The following PDCD6IP variants were observed in gnomAD, a reference collection of about 807,000 sequenced individuals.
The protein encoded by PDCD6IP is programmed cell death 6-interacting protein.
PDCD6IP carries 43 observed loss-of-function variants against 103.7 expected under a neutral mutation model. That is an observed-to-expected ratio of 0.41 (90% CI 0.32 to 0.53). The LOEUF (loss-of-function observed/expected upper bound fraction) is 0.53, where lower values mean the gene tolerates loss of function less well. Ranked by LOEUF, PDCD6IP falls within the 20% of genes least tolerant of loss-of-function variation. PDCD6IP has a pLI of 0.16. For synonymous variants in PDCD6IP, 354 were observed against 378.7 expected, an observed-to-expected ratio of 0.93 and a Z score of 0.76; for missense variants, 871 against 1,036.7, an observed-to-expected ratio of 0.84 and a Z score of 2.20.
intron 14 of PDCD6IP, 49 bp from the exon 15 acceptor site, chr3:33,855,117 A>G: frequency 1.7e-6 from 2 of 1,149,690 alleles, no homozygotes; most frequent in Non-Finnish European, 2.6e-6. Context: ...TACTCTCTGG[A>G]TTAAAAAATT....
intron 4 of PDCD6IP, among the ~76,000 whole-genome samples, chr3:33,824,247 C>CT (rs1697059930): frequency 6.7e-6 from 1 of 148,462 alleles, no homozygotes; most frequent in African/African-American, 2.5e-5. Context: ...TTATCTAACT[C>CT]ATGACACCTT....
intron 3 of PDCD6IP, among the ~76,000 whole-genome samples, chr3:33,814,191 A>T (rs1198085055): frequency 6.9e-6 from 1 of 144,772 alleles, no homozygotes; most frequent in Admixed American, 7.1e-5. Flanking sequence ...GTTGCCCAGG[A>T]TGGAGTGCAG....
intron 15 of PDCD6IP, among the ~76,000 whole-genome samples, chr3:33,861,958 G>A (rs1427161265): frequency 6.6e-6 from 1 of 151,956 alleles, no homozygotes; most frequent in Non-Finnish European, 1.5e-5. Context: ...TAGTACTAGT[G>A]GCATTTTATT....
intron 4 of PDCD6IP, among the ~76,000 whole-genome samples, chr3:33,824,269 C>G (rs115399621): frequency 1.8e-5 from 2 of 110,456 alleles, no homozygotes; most frequent in Admixed American, 9.2e-5. Flanking sequence ...TTTTTTTTTT[C>G]TTTTTTGAGA....
intron 15 of PDCD6IP, among the ~76,000 whole-genome samples, chr3:33,862,218 G>A (rs931091498): frequency 4.0e-5 from 6 of 151,294 alleles, no homozygotes; most frequent in African/African-American, 1.2e-4. Flanking sequence ...TTTATAAGCA[G>A]TTATTTACTT....
At chr3:33,823,688 A>G (rs1230855024) in intron 4 of PDCD6IP, among the ~76,000 whole-genome samples, 1 of 152,150 alleles carries the variant, frequency 6.6e-6, no homozygotes, top group Non-Finnish European at 1.5e-5. Context: ...AGGCTGAGGC[A>G]GGAGAATCTC....
At chr3:33,857,578 T>G (rs1436608865) in intron 15 of PDCD6IP, among the ~76,000 whole-genome samples, 1 of 152,114 alleles carries the variant, frequency 6.6e-6, no homozygotes, top group Non-Finnish European at 1.5e-5. Flanking sequence ...AAATAAAGTA[T>G]TTGCCAGTAA....
At chr3:33,838,468 T>G in intron 9 of PDCD6IP, 141 bp downstream of exon 9, 1 of 724,072 alleles carries the variant, frequency 1.4e-6, no homozygotes, top group South Asian at 2.3e-5. Context: ...CAACTATTTT[T>G]GTTGGACACT....
chr3:33,818,097 G>GTTTT lies in PDCD6IP; in HGVS notation c.335-3837_335-3834dup, dbSNP rs756780125. Among the ~76,000 whole-genome samples the GTTTT allele has an allele frequency of 3.0e-3, 204 of 68,048 alleles. 4 individuals are homozygous for GTTTT. Among genetic ancestry groups the GTTTT allele is most frequent in the Middle Eastern group, 0.017 (1 of 58 alleles). 44.6% of individuals were successfully genotyped at this position (68,048 alleles called of 152,430 possible). A position where few individuals can be genotyped will look rare whatever the true frequency, so the allele number is the denominator to read the frequency against. ...CTTGTTTGGAATATATTTCATTCTT[G>GTTTT]TTTTTTTTTTTTTTTTTTTTTTTTG... On this transcript the variant is annotated intron_variant, in intron 3 of 17. Transcript: ENST00000307296.
At chr3:33,817,639 G>A (rs1696884059) in intron 3 of PDCD6IP, among the ~76,000 whole-genome samples, 1 of 151,958 alleles carries the variant, frequency 6.6e-6, no homozygotes. Flanking sequence ...TGTAGTCCTA[G>A]CTGTTTAGGG....
intron 17 of PDCD6IP, among the ~76,000 whole-genome samples, chr3:33,865,797 G>A (rs61244747): frequency 0.14 from 20,916 of 152,066 alleles, 1,877 homozygotes; most frequent in East Asian, 0.39. Flanking sequence ...AGAATACTTG[G>A]CATTTAATAA....
chr3:33,804,749 T>A (rs1282263451), intron 1 of PDCD6IP, among the ~76,000 whole-genome samples: 2 of 152,244 alleles, frequency 1.3e-5, no homozygotes, highest in Non-Finnish European at 2.9e-5. Flanking sequence ...GATCCTGACC[T>A]CTTGATTCCC....
intron 15 of PDCD6IP, among the ~76,000 whole-genome samples, chr3:33,863,640 A>G (rs1698000759): frequency 1.3e-5 from 2 of 152,192 alleles, no homozygotes; most frequent in Non-Finnish European, 2.9e-5. Flanking sequence ...GTGTATATAT[A>G]CTACACTATA....
At chr3:33,807,484 T>C (rs1696623590) in intron 1 of PDCD6IP, among the ~76,000 whole-genome samples, 1 of 152,244 alleles carries the variant, frequency 6.6e-6, no homozygotes, top group Non-Finnish European at 1.5e-5. Context: ...CTGCTTGGCG[T>C]TGGCTTGGCA....
intron 6 of PDCD6IP, among the ~76,000 whole-genome samples, chr3:33,828,212 G>T (rs1261058321): frequency 6.6e-6 from 1 of 151,974 alleles, no homozygotes; most frequent in Non-Finnish European, 1.5e-5. Flanking sequence ...ATTATCATTG[G>T]TCATATACTT....
At chr3:33,857,501 C>T (rs1233107152) in intron 15 of PDCD6IP, among the ~76,000 whole-genome samples, 1 of 152,052 alleles carries the variant, frequency 6.6e-6, no homozygotes, top group Non-Finnish European at 1.5e-5. Context: ...ATAAAAAAAC[C>T]TAACAAAGAT....
chr3:33,850,493 T>A (rs1697690353), intron 12 of PDCD6IP, among the ~76,000 whole-genome samples: 1 of 152,068 alleles, frequency 6.6e-6, no homozygotes, highest in African/African-American at 2.4e-5. Context: ...GGTTTGTCCT[T>A]ACTGATTTTC....
chr3:33,825,481 A>G (rs889773289), intron 5 of PDCD6IP, 141 bp downstream of exon 5: 18 of 667,996 alleles, frequency 2.7e-5, no homozygotes, highest in South Asian at 2.5e-5. Flanking sequence ...ATTTTCAGCT[A>G]TCCTTTTCTG....
At position 33,798,842 on chromosome 3, in the gene PDCD6IP, G is replaced by T; in HGVS notation, c.114G>T (p.Gln38His). ...TYPSGGEEQA[Q>H]YCRAAEELSK... ...CAAGCGGCGGGGAAGAGCAGGCCCA[G>T]TACTGCCGCGCGGCGGAGGAGCTCA... The change falls in exon 1 of 18, where the codon CAG becomes CAT. Residue 38 changes from glutamine to histidine, a missense_variant. Transcript: ENST00000307296. The T allele has an allele frequency of 1.9e-6, 3 of 1,556,028 alleles. No homozygotes were observed. The highest frequency in any genetic ancestry group is 2.6e-6 in the Non-Finnish European group (3 of 1,149,788).
Sources: gnomAD v4.1 joint callset for allele counts (sites outside exome capture counted in the v4.1 genomes callset) on GRCh38, gnomAD v4.1.1 for gene constraint, MANE v1.5 for transcripts, NCBI Gene and HGNC (gene_info 2026-07-23, HGNC 2026-07-21) for gene names.